The following MAST2 variants were observed in gnomAD, a reference collection of about 807,000 sequenced individuals.
MAST2 encodes microtubule-associated serine/threonine-protein kinase 2.
MAST2 carries 70 observed loss-of-function variants against 147.4 expected under a neutral mutation model. The observed-to-expected ratio is 0.47, with a 90% CI of 0.39 to 0.58. The LOEUF (loss-of-function observed/expected upper bound fraction) is 0.58, where lower values mean the gene tolerates loss of function less well. Ranked by LOEUF, MAST2 falls within the 20% of genes least tolerant of loss-of-function variation. The pLI, the probability that MAST2 is intolerant of heterozygous loss-of-function variation, is 0.00. For synonymous variants in MAST2, 869 were observed against 896.8 expected, an observed-to-expected ratio of 0.97 and a Z score of 0.55; for missense variants, 2,080 against 2,302.3, an observed-to-expected ratio of 0.90 and a Z score of 1.98.
At chr1:45,963,379 A>G (rs1171828227) in intron 5 of MAST2, among the ~76,000 whole-genome samples, 1 of 152,082 alleles carries the variant, frequency 6.6e-6, no homozygotes, top group Non-Finnish European at 1.5e-5. Flanking sequence ...CACGATATTG[A>G]TTCTTCTATC....
chr1:45,955,825 T>C (rs1470312650), intron 4 of MAST2, among the ~76,000 whole-genome samples: 2 of 152,142 alleles, frequency 1.3e-5, no homozygotes, highest in African/African-American at 4.8e-5. Context: ...CAGAACTGGC[T>C]TTTTCTCTCA....
At chr1:45,903,203 T>G (rs79314751) in intron 4 of MAST2, among the ~76,000 whole-genome samples, 15 of 138,752 alleles carry the variant, frequency 1.1e-4, no homozygotes, top group Middle Eastern at 3.8e-3. Context: ...GATCTCGGCT[T>G]ACTGCAACCT....
chr1:45,994,647 T>C (rs1458006838), intron 5 of MAST2, among the ~76,000 whole-genome samples: 2 of 151,970 alleles, frequency 1.3e-5, no homozygotes, highest in Non-Finnish European at 2.9e-5. Context: ...CCAGTCCCCA[T>C]CCTGAGTTAT....
At chr1:45,996,913 G>T (rs1380770511) in intron 5 of MAST2, among the ~76,000 whole-genome samples, 2 of 152,160 alleles carry the variant, frequency 1.3e-5, no homozygotes, top group African/African-American at 4.8e-5. Flanking sequence ...GTGGACAGGG[G>T]TTAGAGGGGA....
intron 3 of MAST2, among the ~76,000 whole-genome samples, chr1:45,856,363 C>T (rs1645790497): frequency 6.6e-6 from 1 of 152,156 alleles, no homozygotes; most frequent in South Asian, 2.1e-4. Flanking sequence ...TAATATGTGG[C>T]TTCTTCTCAT....
chr1:45,958,355 T>C (rs1659938432), intron 4 of MAST2, among the ~76,000 whole-genome samples: 1 of 152,146 alleles, frequency 6.6e-6, no homozygotes, highest in African/African-American at 2.4e-5. Flanking sequence ...AAATTTGTTC[T>C]TGTCTCAGTG....
At chr1:46,029,035 C>A in intron 18 of MAST2, 102 bp downstream of exon 18, 1 of 1,297,034 alleles carries the variant, frequency 7.7e-7, no homozygotes, top group Non-Finnish European at 1.1e-6. Context: ...GTTCTGAACT[C>A]ATCATGTGTG....
intron 4 of MAST2, among the ~76,000 whole-genome samples, chr1:45,895,220 A>G (rs974522578): frequency 1.3e-5 from 2 of 152,006 alleles, no homozygotes; most frequent in African/African-American, 4.8e-5. Context: ...TCCTTTTGTG[A>G]CTATACCACT....
chr1:45,830,526 T>C (rs1260305908), intron 3 of MAST2, among the ~76,000 whole-genome samples: 1 of 152,264 alleles, frequency 6.6e-6, no homozygotes, highest in East Asian at 1.9e-4. Flanking sequence ...CTGGTACTAA[T>C]TGTATAGTGA....
At position 46,021,944 on chromosome 1, in the gene MAST2, G is replaced by T. The variant is rs184092545; in HGVS notation, c.1291-6G>T. 1.2e-4 allele frequency: 198 copies of T among 1,614,092 alleles called. No individual in the cohort carries two copies. Among genetic ancestry groups the T allele is most frequent in the Non-Finnish European group, 3.6e-5 (42 of 1,179,984 alleles). ...CACCACTGACTATCTCTCTCCCTTG[G>T]TACAGGAGTTTGACCCTGAAGAGTT... is the stretch of plus-strand genomic sequence containing the variant. On this transcript the variant is annotated splice_region_variant and splice_polypyrimidine_tract_variant and intron_variant, in intron 11 of 28. Coordinates refer to ENST00000361297, the MANE Select transcript of MAST2 (RefSeq NM_015112.3).
chr1:46,002,729 C>A, intron 6 of MAST2, 76 bp from the exon 7 acceptor site: 2 of 1,314,178 alleles, frequency 1.5e-6, no homozygotes, highest in Non-Finnish European at 2.2e-6. Context: ...CCCCAAAATG[C>A]TGATGAACAG....
intron 1 of MAST2, among the ~76,000 whole-genome samples, chr1:45,808,394 A>T (rs2148628636): frequency 6.6e-6 from 1 of 152,164 alleles, no homozygotes; most frequent in African/African-American, 2.4e-5. Flanking sequence ...TATTTAGTAG[A>T]GATGGGGTTT....
At chr1:45,834,031 G>A (rs1645034390) in intron 3 of MAST2, among the ~76,000 whole-genome samples, 2 of 151,986 alleles carry the variant, frequency 1.3e-5, no homozygotes, top group South Asian at 4.2e-4. Flanking sequence ...ACCCATACTG[G>A]AATAAACCTC....
In MAST2 at chr1:45,979,680, C is replaced by A. The variant is rs192315687; in HGVS notation, c.593-18044C>A. On this transcript the variant is annotated intron_variant, in intron 5 of 28. Coordinates refer to ENST00000361297, the MANE Select transcript of MAST2 (RefSeq NM_015112.3). ...TCTCTTCCAAAAATTAAAAAATTATCTGGCTTTTCCACTTTATGATGGCTT... is the reference window on the plus strand; with the variant it reads ...TCTCTTCCAAAAATTAAAAAATTATATGGCTTTTCCACTTTATGATGGCTT... Among the ~76,000 whole-genome samples, 112 of 152,190 alleles carry A rather than the reference C, an allele frequency of 7.4e-4. 2 individuals are homozygous for A. Among genetic ancestry groups the A allele is most frequent in the African/African-American group, 2.6e-3 (109 of 41,520 alleles).
chr1:46,033,289 A>G (rs1259923072), intron 26 of MAST2, among the ~76,000 whole-genome samples: 1 of 151,452 alleles, frequency 6.6e-6, no homozygotes, highest in African/African-American at 2.4e-5. Context: ...AAAAAAAAAA[A>G]TTAGCCGAGT....
intron 4 of MAST2, among the ~76,000 whole-genome samples, chr1:45,952,494 AGTT>A (rs1659072282): frequency 6.6e-6 from 1 of 152,214 alleles, no homozygotes; most frequent in Non-Finnish European, 1.5e-5. Context: ...AAAATGAATG[AGTT>A]GTACATTTTA....
intron 4 of MAST2, among the ~76,000 whole-genome samples, chr1:45,920,148 C>G (rs190110176): frequency 2.4e-4 from 37 of 152,220 alleles, no homozygotes; most frequent in Admixed American, 2.2e-3. Context: ...GGAGCATGAA[C>G]GATTCTGGGT....
intron 1 of MAST2, among the ~76,000 whole-genome samples, chr1:45,819,877 A>C (rs1395680940): frequency 6.6e-6 from 1 of 152,216 alleles, no homozygotes; most frequent in East Asian, 1.9e-4. Context: ...GAGGACTCAG[A>C]ATAGCCAAAG....
intron 1 of MAST2, among the ~76,000 whole-genome samples, chr1:45,814,562 G>A (rs1014960911): frequency 6.6e-6 from 1 of 152,224 alleles, no homozygotes; most frequent in Non-Finnish European, 1.5e-5. Flanking sequence ...CAAGGCGGGT[G>A]TATCACCTGA....
Sources: gnomAD v4.1 joint callset for allele counts (sites outside exome capture counted in the v4.1 genomes callset) on GRCh38, gnomAD v4.1.1 for gene constraint, MANE v1.5 for transcripts, NCBI Gene and HGNC (gene_info 2026-07-23, HGNC 2026-07-21) for gene names.